The following TMEM63B variants were observed in gnomAD, a reference collection of about 807,000 sequenced individuals.
The protein encoded by TMEM63B is mechanosensitive cation channel TMEM63B.
TMEM63B carries 23 observed loss-of-function variants against 102.6 expected under a neutral mutation model. The observed-to-expected ratio is 0.22, with a 90% confidence interval of 0.16 to 0.32. The LOEUF is 0.32. Among genes scored for constraint, TMEM63B ranks in the 10% least tolerant of loss-of-function variants. The pLI is 1.00. For synonymous variants in TMEM63B, 444 were observed against 437.0 expected, an observed-to-expected ratio of 1.02 and a Z score of -0.20; for missense variants, 628 against 1,095.9, an observed-to-expected ratio of 0.57 and a Z score of 6.03.
chr6:44,153,147 G>A (rs925562886), intron 20 of TMEM63B, among the ~76,000 whole-genome samples: 1 of 152,232 alleles, frequency 6.6e-6, no homozygotes, highest in Admixed American at 6.5e-5. Flanking sequence ...TCTGAGCTAT[G>A]TGACTTGGCC....
intron 1 of TMEM63B, among the ~76,000 whole-genome samples, chr6:44,130,105 G>A (rs1777981713): frequency 1.3e-5 from 2 of 152,222 alleles, no homozygotes; most frequent in Admixed American, 1.3e-4. Context: ...TAGAAATAGG[G>A]TATGGCATTT....
intron 10 of TMEM63B, among the ~76,000 whole-genome samples, chr6:44,144,992 A>G (rs972837918): frequency 1.2e-4 from 18 of 152,144 alleles, no homozygotes; most frequent in African/African-American, 4.1e-4. Context: ...AAAACGAACT[A>G]CTGGCCAGGT....
chr6:44,144,787 A>G, intron 10 of TMEM63B, among the ~76,000 whole-genome samples: 1 of 149,650 alleles, frequency 6.7e-6, no homozygotes, highest in East Asian at 1.9e-4. Flanking sequence ...TTTTAGAGAC[A>G]GGGTCTCACT....
upstream of TMEM63B, chr6:44,127,442 G>C (rs1020471799): frequency 6.6e-6 from 1 of 151,904 alleles, no homozygotes. Context: ...GCCAGGCCCA[G>C]CCCGGCGGAC....
rs1450423373 is a variant in TMEM63B, at chr6:44,154,764, G to A, written c.2380G>A (p.Asp794Asn). The change falls in exon 24 of 24, where the codon GAT becomes AAT. Residue 794 changes from aspartate (D) to asparagine (N), a missense_variant. Transcript: ENST00000323267. ...DGDGAPGSSGDEPPSSSSQDE... is the reference protein window; with the variant it reads ...DGDGAPGSSGNEPPSSSSQDE... ...GGATGGGGCTCCTGGGAGCTCAGGG[G>A]ATGAGCCCCCATCATCCTCATCCCA... 12 of 1,607,416 alleles carry A rather than the reference G, an allele frequency of 7.5e-6. No homozygotes were observed. The highest frequency in any genetic ancestry group is 1.0e-5 in the Non-Finnish European group (12 of 1,177,854).
Position 44,147,377 on chromosome 6 carries a change from G to A in TMEM63B, c.864G>A (p.Arg288=), listed in dbSNP as rs1765640189. Residue 288 remains arginine, a splice_region_variant and synonymous_variant, in exon 12 of 24, where the codon AGG becomes AGA. Transcript: ENST00000323267. ...VARLMFLDAE[R]KKAERGKLYF... is the part of the protein sequence containing the mutation. The stretch of plus-strand genomic sequence containing the variant: ...GTGACCAGGCATCTGGGTCCCACAG[G>A]AAGAAGGCCGAGCGGGGAAAGCTGT... 2.5e-6 allele frequency: 4 copies of A among 1,614,138 alleles called. No homozygotes were observed. Among genetic ancestry groups the A allele is most frequent in the East Asian group, 2.2e-5 (1 of 44,874 alleles).
Position 44,138,661 on chromosome 6 carries a change from G to A in TMEM63B, c.407+144G>A, listed in dbSNP as rs1479675393. 2.1e-5 allele frequency: 19 copies of A among 889,570 alleles called. No individual in the cohort carries two copies. In the East Asian group the frequency reaches 4.8e-4, roughly 23 times the overall value. The allele number at this position is 889,570 out of a possible 1,614,324, so 55.1% of individuals were successfully genotyped here. A position where few individuals can be genotyped will look rare whatever the true frequency, so the allele number is the denominator to read the frequency against. On this transcript the variant is annotated intron_variant, in intron 6 of 23. Coordinates refer to ENST00000323267, the MANE Select transcript of TMEM63B (RefSeq NM_018426.3). Reference sequence around the variant, plus strand: ...CCTCCTCCCTGCTCTCAAAGGCCAAGCCTCGGGTGCCTGAGCCTCTGCTGT... The same window carrying A: ...CCTCCTCCCTGCTCTCAAAGGCCAAACCTCGGGTGCCTGAGCCTCTGCTGT...
At chr6:44,133,811 C>T (rs1054942786) in intron 1 of TMEM63B, among the ~76,000 whole-genome samples, 7 of 152,254 alleles carry the variant, frequency 4.6e-5, no homozygotes, top group Non-Finnish European at 8.8e-5. Context: ...GCCTTCCCTG[C>T]TTCAGAGGCA....
chr6:44,133,398 T>G (rs189003816), intron 1 of TMEM63B, among the ~76,000 whole-genome samples: 1 of 152,270 alleles, frequency 6.6e-6, no homozygotes, highest in East Asian at 1.9e-4. Flanking sequence ...AGTTTTGTTG[T>G]TCTCTTTGGT....
chr6:44,139,796 C>T (rs764833657), intron 8 of TMEM63B, 37 bp downstream of exon 8: 21 of 1,613,334 alleles, frequency 1.3e-5, no homozygotes, highest in Admixed American at 1.2e-4. Flanking sequence ...CCAAGGTCTA[C>T]GACCAGAGTC....
intron 6 of TMEM63B, 53 bp from the exon 7 acceptor site, chr6:44,139,407 GCAGCCCC>G: frequency 6.3e-7 from 1 of 1,594,372 alleles, no homozygotes; most frequent in Non-Finnish European, 8.6e-7. Context: ...CAGGCAAGTT[GCAGCCCC>G]CTTCTTGCCC....
chr6:44,139,388 G>A, intron 6 of TMEM63B, 79 bp from the exon 7 acceptor site: 1 of 1,567,718 alleles, frequency 6.4e-7, no homozygotes, highest in South Asian at 1.2e-5. Context: ...GGGTGGGAGT[G>A]GGTGAGGGCA....
At chr6:44,149,037 G>A (rs764110162) in intron 15 of TMEM63B, 92 bp downstream of exon 15, 106 of 1,586,004 alleles carry the variant, frequency 6.7e-5, no homozygotes, top group Admixed American at 1.2e-4. Context: ...AGCCCAGCCC[G>A]TTCTGCTTGT....
chr6:44,132,125 A>G (rs946790534), intron 1 of TMEM63B, among the ~76,000 whole-genome samples: 10 of 152,128 alleles, frequency 6.6e-5, no homozygotes, highest in Non-Finnish European at 1.3e-4. Context: ...CTGTCCTGTC[A>G]CTGTGCAAGT....
At chr6:44,141,811 T>C (rs1257189091) in intron 10 of TMEM63B, among the ~76,000 whole-genome samples, 1 of 152,176 alleles carries the variant, frequency 6.6e-6, no homozygotes, top group Non-Finnish European at 1.5e-5. Context: ...GTTACTGTGG[T>C]GGGCTTTGGG....
intron 6 of TMEM63B, 97 bp downstream of exon 6, chr6:44,138,614 G>A: frequency 6.9e-7 from 1 of 1,447,874 alleles, no homozygotes; most frequent in Non-Finnish European, 9.7e-7. Flanking sequence ...CAGGGCCTTA[G>A]CACTCCTCGC....
chr6:44,137,053 C>CA (rs201576147), intron 5 of TMEM63B, among the ~76,000 whole-genome samples: 10 of 151,862 alleles, frequency 6.6e-5, no homozygotes, highest in East Asian at 3.9e-4. Flanking sequence ...TCAAAACAAA[C>CA]AAAAAAAAGA....
chr6:44,127,739 A>T (rs1362794805), intron 1 of TMEM63B, 61 bp downstream of exon 1: 1 of 149,992 alleles, frequency 6.7e-6, no homozygotes, highest in Non-Finnish European at 1.5e-5. Flanking sequence ...CCACCACCCA[A>T]AGAAAAAACC....
intron 6 of TMEM63B, chr6:44,138,744 G>GCA (rs1420114730): frequency 3.1e-6 from 1 of 320,462 alleles, no homozygotes; most frequent in African/African-American, 3.0e-5. Context: ...CGGCCCCCCC[G>GCA]CTTCTCTCCC....
Sources: gnomAD v4.1 joint callset for allele counts (sites outside exome capture counted in the v4.1 genomes callset) on GRCh38, gnomAD v4.1.1 for gene constraint, MANE v1.5 for transcripts, NCBI Gene and HGNC (gene_info 2026-07-23, HGNC 2026-07-21) for gene names.